Variants in CACNB2 observed in about 807,000 individuals in gnomAD.
CACNB2 encodes voltage-dependent L-type calcium channel subunit beta-2.
CACNB2 carries 42 observed loss-of-function variants against 73.3 expected under a neutral mutation model. The observed-to-expected ratio is 0.57, with a 90% CI of 0.45 to 0.74. The LOEUF is 0.74. Ranked by LOEUF, CACNB2 falls within the 30% of genes least tolerant of loss-of-function variation. The probability of loss-of-function intolerance (pLI) is 0.00; values close to 1 mark genes in which losing one functional copy is unlikely to be tolerated. For missense variants in CACNB2, 940 were observed against 853.0 expected, an observed-to-expected ratio of 1.10 and a Z score of -1.27; for synonymous variants, 348 against 310.3, an observed-to-expected ratio of 1.12 and a Z score of -1.28.
At chr10:18,200,474 G>C (rs997842003) in intron 2 of CACNB2, among the ~76,000 whole-genome samples, 2 of 151,280 alleles carry the variant, frequency 1.3e-5, no homozygotes, top group African/African-American at 4.9e-5. Flanking sequence ...TAGTGCATAA[G>C]AATGAGCATA....
chr10:18,283,799 C>T (rs1035634534), intron 2 of CACNB2, among the ~76,000 whole-genome samples: 4 of 152,046 alleles, frequency 2.6e-5, no homozygotes, highest in Non-Finnish European at 5.9e-5. Flanking sequence ...GCACATGTAC[C>T]CTAGAACTTA....
At chr10:18,361,126 C>A (rs1325251273) in intron 2 of CACNB2, among the ~76,000 whole-genome samples, 6 of 151,788 alleles carry the variant, frequency 4.0e-5, no homozygotes, top group Non-Finnish European at 8.8e-5. Context: ...TCTCTTTATT[C>A]TTTTATCTGC....
intron 10 of CACNB2, among the ~76,000 whole-genome samples, chr10:18,529,317 C>T (rs866352718): frequency 6.6e-6 from 1 of 152,086 alleles, no homozygotes; most frequent in Non-Finnish European, 1.5e-5. Context: ...TGAGCATACA[C>T]TAGATACCAA....
At chr10:18,295,413 T>C (rs1173757079) in intron 2 of CACNB2, among the ~76,000 whole-genome samples, 1 of 152,186 alleles carries the variant, frequency 6.6e-6, no homozygotes, top group Non-Finnish European at 1.5e-5. Context: ...GCCTTGGCAA[T>C]ACAAAAATAA....
At position 18,417,884 on chromosome 10, in the gene CACNB2, A is replaced by T. The variant is rs146205773; in HGVS notation, c.333+15841A>T. Among the ~76,000 whole-genome samples, 370 of 152,116 alleles carry T rather than the reference A, an allele frequency of 2.4e-3. 3 individuals carry two copies. The highest frequency in any genetic ancestry group is 8.5e-3 in the African/African-American group (355 of 41,522). ...AATTGAAGTTAAAATGAAACGATTT[A>T]AAAAAAGATTTTATTAAGTGTTGCC... is the stretch of plus-strand genomic sequence containing the variant. On this transcript the variant is annotated intron_variant, in intron 3 of 13. Coordinates refer to ENST00000324631, the MANE Select transcript of CACNB2 (RefSeq NM_201596.3).
At chr10:18,330,750 C>T (rs2040767510) in intron 2 of CACNB2, among the ~76,000 whole-genome samples, 1 of 151,856 alleles carries the variant, frequency 6.6e-6, no homozygotes, top group Admixed American at 6.6e-5. Context: ...CTCACTGCAA[C>T]CTCTGCCTCC....
At chr10:18,457,784 G>C (rs2047359985) in intron 3 of CACNB2, among the ~76,000 whole-genome samples, 1 of 152,090 alleles carries the variant, frequency 6.6e-6, no homozygotes, top group Non-Finnish European at 1.5e-5. Context: ...CAGCTACGTG[G>C]GAGGCTGAGG....
chr10:18,460,243 T>G (rs966377794), intron 3 of CACNB2, among the ~76,000 whole-genome samples: 1 of 152,150 alleles, frequency 6.6e-6, no homozygotes, highest in African/African-American at 2.4e-5. Context: ...TAGATTAACA[T>G]AAAGCATGTT....
intron 2 of CACNB2, among the ~76,000 whole-genome samples, chr10:18,317,106 A>G (rs1589026114): frequency 6.9e-6 from 1 of 144,120 alleles, no homozygotes; most frequent in South Asian, 2.3e-4. Flanking sequence ...TCCCCACACC[A>G]CCCCCTGCCC....
intron 3 of CACNB2, among the ~76,000 whole-genome samples, chr10:18,475,122 G>A (rs933529430): frequency 6.6e-6 from 1 of 151,060 alleles, no homozygotes; most frequent in Admixed American, 6.7e-5. Flanking sequence ...AGAGGGATGG[G>A]AGAGGGTGCA....
At chr10:18,518,214 A>G (rs2051472233) in intron 7 of CACNB2, 122 bp from the exon 8 acceptor site, 2 of 771,854 alleles carry the variant, frequency 2.6e-6, no homozygotes, top group South Asian at 2.7e-5. Flanking sequence ...GCAAGTGGGG[A>G]AAATAAAATG....
At chr10:18,405,162 T>C (rs1042890273) in intron 3 of CACNB2, among the ~76,000 whole-genome samples, 2 of 152,194 alleles carry the variant, frequency 1.3e-5, no homozygotes, top group Non-Finnish European at 2.9e-5. Flanking sequence ...TTCAGTGGTT[T>C]TTAGTATGTT....
chr10:18,245,464 G>A (rs970802061), intron 2 of CACNB2, among the ~76,000 whole-genome samples: 1 of 152,052 alleles, frequency 6.6e-6, no homozygotes. Flanking sequence ...GGGACTTACA[G>A]GCATGCACCA....
intron 3 of CACNB2, among the ~76,000 whole-genome samples, chr10:18,479,469 C>G (rs1447616637): frequency 6.6e-6 from 1 of 152,132 alleles, no homozygotes; most frequent in Non-Finnish European, 1.5e-5. Context: ...CTAACTTTCT[C>G]TTTACAAATG....
chr10:18,454,575 A>G (rs540039081), intron 3 of CACNB2, among the ~76,000 whole-genome samples: 52 of 152,252 alleles, frequency 3.4e-4, no homozygotes, highest in Non-Finnish European at 5.4e-4. Context: ...GGGAATGCAT[A>G]TATTAAAGCA....
chr10:18,261,102 A>G, intron 2 of CACNB2: 2 of 1,481,842 alleles, frequency 1.3e-6, no homozygotes, highest in South Asian at 1.3e-5. Flanking sequence ...TGCCTGCAGG[A>G]ACGGTGGCTT....
At chr10:18,211,444 A>C (rs1313525289) in intron 2 of CACNB2, among the ~76,000 whole-genome samples, 1 of 152,246 alleles carries the variant, frequency 6.6e-6, no homozygotes, top group Non-Finnish European at 1.5e-5. Flanking sequence ...AAAGTAAAGC[A>C]TTACATACCT....
At chr10:18,310,605 C>CAA (rs1157466238) in intron 2 of CACNB2, among the ~76,000 whole-genome samples, 77 of 36,580 alleles carry the variant, frequency 2.1e-3, no homozygotes, top group South Asian at 3.5e-3. Context: ...AACTCCATCT[C>CAA]AAAAAAAAAA....
At chr10:18,269,377 A>AT (rs2037949850) in intron 2 of CACNB2, among the ~76,000 whole-genome samples, 1 of 151,926 alleles carries the variant, frequency 6.6e-6, no homozygotes, top group Non-Finnish European at 1.5e-5. Context: ...TCCTGTCTCC[A>AT]TTTTTTTCTT....
Sources: allele counts gnomAD v4.1 joint callset (sites outside exome capture counted in the v4.1 genomes callset), GRCh38; gene constraint gnomAD v4.1.1; transcripts MANE v1.5; gene names NCBI Gene and HGNC (gene_info 2026-07-23, HGNC 2026-07-21).